Variants in DENND4C observed in about 807,000 individuals in gnomAD.
DENND4C encodes the protein DENN domain containing 4C.
In DENND4C, 108 loss-of-function variants were observed where a neutral mutation model predicts 203.0. That is an observed-to-expected ratio of 0.53 (90% confidence interval 0.46 to 0.62). The LOEUF (loss-of-function observed/expected upper bound fraction) is 0.62. Among genes scored for constraint, DENND4C ranks in the 20% least tolerant of loss-of-function variants. The pLI, the probability that DENND4C is intolerant of heterozygous loss-of-function variation, is 0.00. For missense variants in DENND4C, 2,481 were observed against 2,301.2 expected (o/e 1.08, Z -1.60); for synonymous variants, 871 against 792.4 (o/e 1.10, Z -1.67).
At chr9:19,290,424 A>G (rs1836059908) in intron 4 of DENND4C, among the ~76,000 whole-genome samples, 1 of 152,216 alleles carries the variant, frequency 6.6e-6, no homozygotes, top group South Asian at 2.1e-4. Flanking sequence ...GCATGTGTAG[A>G]AGAAAATACA....
intron 30 of DENND4C, 28 bp downstream of exon 30, chr9:19,361,991 C>T (rs764414310): frequency 1.1e-5 from 16 of 1,401,436 alleles, no homozygotes; most frequent in East Asian, 4.6e-5. Flanking sequence ...AAAGACATAA[C>T]AGCCAGGTGC....
At chr9:19,274,449 C>T (rs1235662737) in intron 1 of DENND4C, among the ~76,000 whole-genome samples, 1 of 152,116 alleles carries the variant, frequency 6.6e-6, no homozygotes, top group Non-Finnish European at 1.5e-5. Flanking sequence ...GCATGCGCCA[C>T]CGCACCCAGC....
chr9:19,328,187 T>A, intron 16 of DENND4C, 25 bp downstream of exon 16: 1 of 1,586,354 alleles, frequency 6.3e-7, no homozygotes, highest in Non-Finnish European at 8.5e-7. Context: ...ATCTAATACA[T>A]GTTCATTTAA....
Position 19,363,148 on chromosome 9 carries a change from C to G in DENND4C, c.5524+1185C>G, listed in dbSNP as rs534656834. 4.6e-5 allele frequency among the ~76,000 whole-genome samples: 7 copies of G among 152,276 alleles called. No individual in the cohort carries two copies. In the South Asian group the frequency reaches 6.2e-4, roughly 14 times the overall value. Reference sequence around the variant, plus strand: ...GCTGTACCCTCACATAACCTTTTCTCTGTGTGTGTGCATGCACATGCACAC... The same window carrying G: ...GCTGTACCCTCACATAACCTTTTCTGTGTGTGTGTGCATGCACATGCACAC... On this transcript the variant is annotated intron_variant, in intron 30 of 32. Transcript: ENST00000434457.
At chr9:19,291,397 T>C (rs1836263583) in intron 5 of DENND4C, 1 of 153,560 alleles carries the variant, frequency 6.5e-6, no homozygotes, top group Admixed American at 6.4e-5. Context: ...AAAAATTCAG[T>C]GAATGGGTTA....
intron 5 of DENND4C, 27 bp from the exon 6 acceptor site, chr9:19,295,981 T>C: frequency 6.6e-7 from 1 of 1,517,332 alleles, no homozygotes; most frequent in Non-Finnish European, 9.0e-7. Context: ...AACTCAAATC[T>C]TATAACAGAA....
chr9:19,336,815 A>T lies in DENND4C; in HGVS notation c.2864A>T (p.Asp955Val). The stretch of plus-strand genomic sequence containing the variant: ...GATTTAATCAGGCTTGAGTCCATTG[A>T]TAATCACTCTAGCACAGGTACTAAA... ...VRDLIRLESI[D>V]NHSSTGGQSD... Residue 955 changes from aspartate to valine, a missense_variant, in exon 20 of 33, where the codon GAT becomes GTT. Asp to Val is a radical substitution (Grantham distance 152). Around this residue, in one of 3 missense-constraint regions of DENND4C, gnomAD observed 2,289 missense variants for 2,113.3 expected, o/e 1.08. Transcript: ENST00000434457. 6.4e-7 allele frequency: 1 copy of T among 1,550,592 alleles called. No individual in the cohort carries two copies. The highest frequency in any genetic ancestry group is 8.7e-7 in the Non-Finnish European group (1 of 1,146,940).
At chr9:19,332,241 T>A in intron 17 of DENND4C, 57 bp downstream of exon 17, 1 of 1,541,512 alleles carries the variant, frequency 6.5e-7, no homozygotes, top group Admixed American at 1.7e-5. Flanking sequence ...GTACTTCTAA[T>A]AAAATTTGGG....
chr9:19,337,989 G>T lies in DENND4C; in HGVS notation c.2881+1157G>T, dbSNP rs1262835386. Reference sequence around the variant, plus strand: ...AGAATTAATTGTTTCAGCTGTTAAGGTGGTGTGGCCATTGCTTTCCAAAAC... The same window carrying T: ...AGAATTAATTGTTTCAGCTGTTAAGTTGGTGTGGCCATTGCTTTCCAAAAC... On this transcript the variant is annotated intron_variant, in intron 20 of 32. Transcript: ENST00000434457. Among the ~76,000 whole-genome samples, 3 of 152,098 alleles carry T rather than the reference G, an allele frequency of 2.0e-5. No individual in the cohort carries two copies. The East Asian group carries it at 5.8e-4, about 29-fold the overall frequency.
chr9:19,287,161 T>G, intron 3 of DENND4C, 140 bp downstream of exon 3: 1 of 847,954 alleles, frequency 1.2e-6, no homozygotes, highest in Non-Finnish European at 1.6e-6. Context: ...TTTTTATGAT[T>G]TGTAATAATT....
chr9:19,369,866 G>C lies in DENND4C; in HGVS notation c.5554G>C (p.Glu1852Gln). Residue 1852 changes from glutamate (E) to glutamine (Q), a missense_variant, in exon 31 of 33, where the codon GAG (glutamate) becomes CAG (glutamine). By Grantham distance (29) the Glu-to-Gln change is conservative. Coordinates refer to ENST00000434457, the MANE Select transcript of DENND4C (RefSeq NM_001330640.2). ...TGAAAAGAAATCATCTCTCCTGTCA[G>C]AGGAACAACAAGAAACAAGCACTTT... is the stretch of plus-strand genomic sequence containing the variant. ...NSEKKSSLLS[E>Q]EQQETSTLVE... The C allele has an allele frequency of 6.2e-7, 1 of 1,610,008 alleles. No homozygotes were observed. The highest frequency in any genetic ancestry group is 1.7e-4 in the Middle Eastern group (1 of 6,050).
chr9:19,260,094 T>C (rs1047170432), intron 1 of DENND4C, among the ~76,000 whole-genome samples: 1 of 152,146 alleles, frequency 6.6e-6, no homozygotes, highest in Non-Finnish European at 1.5e-5. Context: ...TGTATGAGGG[T>C]TCCCTTTTCT....
intron 1 of DENND4C, among the ~76,000 whole-genome samples, chr9:19,268,088 T>G (rs1830873033): frequency 7.1e-6 from 1 of 140,938 alleles, no homozygotes; most frequent in Non-Finnish European, 1.6e-5. Context: ...GTGTATGTGT[T>G]GTAGGTTTTT....
At chr9:19,325,470 G>T (rs993846477) in intron 13 of DENND4C, among the ~76,000 whole-genome samples, 1 of 151,892 alleles carries the variant, frequency 6.6e-6, no homozygotes, top group African/African-American at 2.4e-5. Context: ...AATTTTTATG[G>T]CCCCCTCATG....
intron 1 of DENND4C, among the ~76,000 whole-genome samples, chr9:19,244,784 C>A (rs377093596): frequency 6.6e-6 from 1 of 151,710 alleles, no homozygotes; most frequent in Non-Finnish European, 1.5e-5. Flanking sequence ...ATAATATACA[C>A]CTTTAACTTT....
At chr9:19,252,073 C>G (rs1188341725) in intron 1 of DENND4C, among the ~76,000 whole-genome samples, 3 of 152,184 alleles carry the variant, frequency 2.0e-5, no homozygotes, top group African/African-American at 7.2e-5. Flanking sequence ...CTAATAAAGG[C>G]ATACCTGAGA....
chr9:19,335,233 TTATTAAAAATTGACAAAAA>T, intron 18 of DENND4C, 128 bp downstream of exon 18: 1 of 485,056 alleles, frequency 2.1e-6, no homozygotes, highest in Admixed American at 4.4e-5. Context: ...ATTTTTATAA[TTATTAAAAATTGACAAAAA>T]GTATATATAT....
intron 23 of DENND4C, among the ~76,000 whole-genome samples, chr9:19,348,267 T>C (rs1337912298): frequency 6.6e-6 from 1 of 152,150 alleles, no homozygotes; most frequent in African/African-American, 2.4e-5. Context: ...TAGGGAATAG[T>C]AGAACTATGA....
intron 2 of DENND4C, among the ~76,000 whole-genome samples, chr9:19,280,425 A>G (rs906025813): frequency 6.6e-6 from 1 of 152,196 alleles, no homozygotes; most frequent in African/African-American, 2.4e-5. Flanking sequence ...GGTTACAGGC[A>G]TGAGCCCCTG....
Sources: allele counts gnomAD v4.1 joint callset (sites outside exome capture counted in the v4.1 genomes callset), GRCh38; gene constraint gnomAD v4.1.1; regional missense constraint gnomAD v4.1.1; transcripts MANE v1.5; gene names NCBI Gene and HGNC (gene_info 2026-07-23, HGNC 2026-07-21).